The following NKAIN2 variants were observed in gnomAD, a reference collection of about 807,000 sequenced individuals.
NKAIN2 encodes the protein sodium/potassium transporting ATPase interacting 2, also known as sodium/potassium-transporting ATPase subunit beta-1-interacting protein 2.
A neutral mutation model predicts 32.6 loss-of-function variants in NKAIN2; 14 were observed. The observed-to-expected ratio is 0.43, with a 90% CI of 0.28 to 0.67. NKAIN2 has a LOEUF of 0.67. Among genes scored for constraint, NKAIN2 ranks in the 30% least tolerant of loss-of-function variants. NKAIN2 has a pLI of 0.17. For missense variants in NKAIN2, 198 were observed against 258.3 expected, an observed-to-expected ratio of 0.77 and a Z score of 1.60; for synonymous variants, 80 against 87.2, an observed-to-expected ratio of 0.92 and a Z score of 0.46.
At chr6:124,250,132 A>G (rs1793627355) in intron 1 of NKAIN2, among the ~76,000 whole-genome samples, 1 of 152,128 alleles carries the variant, frequency 6.6e-6, no homozygotes, top group South Asian at 2.1e-4. Context: ...TGTTTCCACC[A>G]TGTGAGATTG....
At chr6:124,577,740 T>C (rs1259287136) in intron 3 of NKAIN2, among the ~76,000 whole-genome samples, 1 of 151,620 alleles carries the variant, frequency 6.6e-6, no homozygotes, top group Non-Finnish European at 1.5e-5. Flanking sequence ...GCCAAGGGAG[T>C]ACTTGCACCA....
chr6:124,349,440 CT>C (rs67504826), intron 2 of NKAIN2, among the ~76,000 whole-genome samples: 22,004 of 152,026 alleles, frequency 0.14, 2,010 homozygotes, highest in Admixed American at 0.26. Flanking sequence ...TATTGGTGAG[CT>C]GATACTAGTT....
At chr6:123,874,950 G>A (rs576309461) in intron 1 of NKAIN2, among the ~76,000 whole-genome samples, 3 of 151,580 alleles carry the variant, frequency 2.0e-5, no homozygotes, top group African/African-American at 7.3e-5. Context: ...CCTATATAAA[G>A]GATATGAATA....
intron 3 of NKAIN2, among the ~76,000 whole-genome samples, chr6:124,630,251 G>T (rs1211632600): frequency 6.6e-6 from 1 of 152,128 alleles, no homozygotes; most frequent in Non-Finnish European, 1.5e-5. Flanking sequence ...TAAGAAACAA[G>T]ATCTGGGCAA....
chr6:124,567,035 A>G (rs570811891), intron 3 of NKAIN2, among the ~76,000 whole-genome samples: 1 of 152,210 alleles, frequency 6.6e-6, no homozygotes, highest in Non-Finnish European at 1.5e-5. Context: ...ATTCTTTAGT[A>G]CTTTTCAGCC....
chr6:124,196,025 T>G (rs1790298338), intron 1 of NKAIN2, among the ~76,000 whole-genome samples: 1 of 152,136 alleles, frequency 6.6e-6, no homozygotes, highest in South Asian at 2.1e-4. Flanking sequence ...ATTGAAGATA[T>G]GCAAATATCT....
At chr6:124,726,209 G>C (rs1244028350) in intron 4 of NKAIN2, among the ~76,000 whole-genome samples, 1 of 152,176 alleles carries the variant, frequency 6.6e-6, no homozygotes, top group Non-Finnish European at 1.5e-5. Flanking sequence ...GCCCACCACA[G>C]CTCAAGGAGG....
At chr6:123,865,080 T>TA (rs1775930360) in intron 1 of NKAIN2, among the ~76,000 whole-genome samples, 1 of 152,044 alleles carries the variant, frequency 6.6e-6, no homozygotes, top group East Asian at 1.9e-4. Context: ...ACCCTTTTAG[T>TA]AAAAAAAGAA....
In NKAIN2 at chr6:123,983,366, T is replaced by C. The variant is rs1582882954; in HGVS notation, c.54+179112T>C. On this transcript the variant is annotated intron_variant, in intron 1 of 6. Coordinates refer to ENST00000368417, the MANE Select transcript of NKAIN2 (RefSeq NM_001040214.3). Reference sequence around the variant, plus strand: ...ATGGCCTTGGGTCAGATGTGTTAGATGGAACTCTGATGAGGGATTATTAGC... The same window carrying C: ...ATGGCCTTGGGTCAGATGTGTTAGACGGAACTCTGATGAGGGATTATTAGC... 2.6e-5 allele frequency among the ~76,000 whole-genome samples: 4 copies of C among 152,194 alleles called. No homozygotes were observed. The South Asian group carries it at 6.2e-4, about 24-fold the overall frequency.
chr6:124,301,742 C>A (rs770745712), intron 2 of NKAIN2, among the ~76,000 whole-genome samples: 2 of 152,010 alleles, frequency 1.3e-5, no homozygotes, highest in African/African-American at 2.4e-5. Context: ...GGGCCTGTAG[C>A]CCCTTCATTT....
At chr6:124,441,465 C>T (rs874481) in intron 3 of NKAIN2, among the ~76,000 whole-genome samples, 105,626 of 151,918 alleles carry the variant, frequency 0.7, 37,339 homozygotes, top group South Asian at 0.81. Flanking sequence ...CTTACAAAGC[C>T]AGATTAGAAA....
intron 1 of NKAIN2, among the ~76,000 whole-genome samples, chr6:123,872,348 C>T (rs1236690686): frequency 1.3e-5 from 2 of 152,160 alleles, no homozygotes; most frequent in East Asian, 3.9e-4. Flanking sequence ...TAGAATTATT[C>T]GGTTTACTAG....
chr6:124,212,329 A>G (rs866864510), intron 1 of NKAIN2, among the ~76,000 whole-genome samples: 1 of 152,170 alleles, frequency 6.6e-6, no homozygotes, highest in African/African-American at 2.4e-5. Context: ...ATAAAACAAA[A>G]AAAGGGTTGC....
At chr6:124,397,617 G>A (rs1023480753) in intron 3 of NKAIN2, among the ~76,000 whole-genome samples, 3 of 150,620 alleles carry the variant, frequency 2.0e-5, no homozygotes, top group African/African-American at 7.4e-5. Flanking sequence ...ACTAGAGTGG[G>A]CGTTGAAATG....
chr6:124,563,727 G>A lies in NKAIN2; in HGVS notation c.274-94459G>A, dbSNP rs187448779. 1.4e-4 allele frequency among the ~76,000 whole-genome samples: 22 copies of A among 152,254 alleles called. 1 individual carries two copies. The highest frequency in any genetic ancestry group is 4.1e-4 in the South Asian group (2 of 4,820). On this transcript the variant is annotated intron_variant, in intron 3 of 6. Coordinates refer to ENST00000368417, the MANE Select transcript of NKAIN2 (RefSeq NM_001040214.3). ...GGCTAGAGTGCAGTGGTGCGATTGC[G>A]ATCTCAGCTCACTCCAACCTCTGCC...
At chr6:124,376,994 A>G (rs533024985) in intron 3 of NKAIN2, among the ~76,000 whole-genome samples, 2 of 152,310 alleles carry the variant, frequency 1.3e-5, no homozygotes. Flanking sequence ...ATGTTGATGG[A>G]TGCTTGGTAA....
At chr6:123,997,896 C>G (rs1779699096) in intron 1 of NKAIN2, among the ~76,000 whole-genome samples, 1 of 152,090 alleles carries the variant, frequency 6.6e-6, no homozygotes, top group African/African-American at 2.4e-5. Flanking sequence ...AGCCACCGTG[C>G]CTGGCCAAGT....
At chr6:124,157,228 C>T (rs574823327) in intron 1 of NKAIN2, among the ~76,000 whole-genome samples, 56 of 148,086 alleles carry the variant, frequency 3.8e-4, no homozygotes, top group African/African-American at 1.2e-3. Context: ...GTATGGGACA[C>T]GGTGGGAGGT....
chr6:123,946,589 G>A (rs958464014), intron 1 of NKAIN2, among the ~76,000 whole-genome samples: 3 of 152,032 alleles, frequency 2.0e-5, no homozygotes, highest in Non-Finnish European at 4.4e-5. Context: ...ATCATTGATT[G>A]TATTACACAA....
Sources: allele counts gnomAD v4.1 joint callset (sites outside exome capture counted in the v4.1 genomes callset), GRCh38; gene constraint gnomAD v4.1.1; transcripts MANE v1.5; gene names NCBI Gene and HGNC (gene_info 2026-07-23, HGNC 2026-07-21).